Variants in SESN1 observed in about 807,000 individuals in gnomAD.
SESN1 encodes sestrin-1.
A neutral mutation model predicts 59.3 loss-of-function variants in SESN1; 30 were observed. That is an observed-to-expected ratio of 0.51 (90% CI 0.38 to 0.69). The LOEUF is 0.69. SESN1 is among the 30% of genes least tolerant of loss of function. The pLI is 0.00. For missense variants in SESN1, 566 were observed against 673.0 expected, an observed-to-expected ratio of 0.84 and a Z score of 1.76; for synonymous variants, 197 against 219.9, an observed-to-expected ratio of 0.90 and a Z score of 0.92.
At chr6:109,065,838 T>C (rs1780815949) in intron 1 of SESN1, among the ~76,000 whole-genome samples, 1 of 151,868 alleles carries the variant, frequency 6.6e-6, no homozygotes, top group African/African-American at 2.4e-5. Context: ...ATTATTACTA[T>C]ACCTTTTCTC....
At chr6:109,061,197 A>G (rs1447294402) in intron 1 of SESN1, among the ~76,000 whole-genome samples, 2 of 152,210 alleles carry the variant, frequency 1.3e-5, no homozygotes, top group Non-Finnish European at 2.9e-5. Flanking sequence ...TTAGGAAAAA[A>G]GAACAATGTA....
chr6:109,040,865 G>A (rs1780329110), intron 1 of SESN1, among the ~76,000 whole-genome samples: 2 of 151,806 alleles, frequency 1.3e-5, no homozygotes, highest in African/African-American at 4.8e-5. Context: ...TGTTAGCCAG[G>A]ATGGTCTCAA....
chr6:109,051,951 C>T (rs955362520), intron 1 of SESN1, among the ~76,000 whole-genome samples: 4 of 152,074 alleles, frequency 2.6e-5, no homozygotes, highest in Non-Finnish European at 5.9e-5. Context: ...TTTTAAAGAC[C>T]CCACCTCTTA....
chr6:109,009,630 C>A, intron 1 of SESN1: 1 of 942,672 alleles, frequency 1.1e-6, no homozygotes, highest in East Asian at 8.9e-5. Flanking sequence ...CCCTGGCGGC[C>A]ACGCAAGCCA....
chr6:109,080,635 T>G (rs754847708), intron 1 of SESN1, among the ~76,000 whole-genome samples: 19 of 152,190 alleles, frequency 1.2e-4, no homozygotes, highest in Non-Finnish European at 2.6e-4. Flanking sequence ...GGAAAACAAT[T>G]TGGGAAAGAA....
intron 1 of SESN1, among the ~76,000 whole-genome samples, chr6:109,044,746 G>A (rs1780397203): frequency 6.6e-6 from 1 of 151,876 alleles, no homozygotes; most frequent in Admixed American, 6.6e-5. Context: ...GAACTCAGCC[G>A]GGCGCAGTGG....
intron 1 of SESN1, among the ~76,000 whole-genome samples, chr6:109,034,608 A>G (rs1479803186): frequency 1.3e-5 from 2 of 152,214 alleles, no homozygotes; most frequent in Non-Finnish European, 2.9e-5. Flanking sequence ...TGAAGACCAT[A>G]TTATCCAGCT....
rs139627045 is a variant in SESN1, at chr6:109,068,524, G to A, written c.279+25271C>T. Among the ~76,000 whole-genome samples, 924 of 151,834 alleles carry A rather than the reference G, an allele frequency of 6.1e-3. 13 individuals carry two copies. The highest frequency in any genetic ancestry group is 0.021 in the African/African-American group (876 of 41,392). ...TAAAGTAAAAAGACAAAAAAGAAACGGTATATGAAAAAAGGTTAAGATGAA... is the reference window on the plus strand; with the variant it reads ...TAAAGTAAAAAGACAAAAAAGAAACAGTATATGAAAAAAGGTTAAGATGAA... On this transcript the variant is annotated intron_variant, in intron 1 of 9. Coordinates refer to ENST00000436639, the MANE Select transcript of SESN1 (RefSeq NM_014454.3).
At chr6:109,000,470 A>G (rs1187867800) in intron 4 of SESN1, 21 bp downstream of exon 4, 1 of 1,477,994 alleles carries the variant, frequency 6.8e-7, no homozygotes, top group East Asian at 2.5e-5. Flanking sequence ...GACTCCCAAG[A>G]TATATTACCC....
At chr6:109,062,237 G>T (rs1442282663) in intron 1 of SESN1, among the ~76,000 whole-genome samples, 1 of 152,202 alleles carries the variant, frequency 6.6e-6, no homozygotes, top group Non-Finnish European at 1.5e-5. Flanking sequence ...TCCGAAAAAT[G>T]AACAAGGGGA....
At chr6:109,073,737 G>A (rs1043439996) in intron 1 of SESN1, among the ~76,000 whole-genome samples, 1 of 152,148 alleles carries the variant, frequency 6.6e-6, no homozygotes, top group African/African-American at 2.4e-5. Context: ...TTAAAAGTTG[G>A]TATATACCAT....
intron 1 of SESN1, among the ~76,000 whole-genome samples, chr6:109,059,356 A>C (rs1346194176): frequency 6.6e-6 from 1 of 152,160 alleles, no homozygotes; most frequent in Non-Finnish European, 1.5e-5. Flanking sequence ...GTGTGCTTTT[A>C]ATGTTTATTC....
intron 1 of SESN1, among the ~76,000 whole-genome samples, chr6:109,029,639 G>A (rs929023826): frequency 2.0e-5 from 3 of 152,052 alleles, no homozygotes; most frequent in Non-Finnish European, 4.4e-5. Flanking sequence ...GGGCTCAAGC[G>A]ATCCTCCTGT....
chr6:108,998,825 T>C, intron 4 of SESN1, 70 bp from the exon 5 acceptor site: 1 of 1,467,298 alleles, frequency 6.8e-7, no homozygotes. Context: ...TTCATTTTAG[T>C]ATTTAATTTA....
chr6:108,987,361 CCAAA>C lies in SESN1; in HGVS notation c.*179_*182del. 2.0e-6 allele frequency: 1 copy of C among 492,578 alleles called. No homozygotes were observed. The highest frequency in any genetic ancestry group is 3.2e-5 in the East Asian group (1 of 31,400). 30.5% of individuals were successfully genotyped at this position (492,578 alleles called of 1,614,324 possible). A position where few individuals can be genotyped will look rare whatever the true frequency, so the allele number is the denominator to read the frequency against. On this transcript the variant is annotated 3_prime_UTR_variant, in exon 10 of 10. Coordinates refer to ENST00000436639, the MANE Select transcript of SESN1 (RefSeq NM_014454.3). ...CTTCACAGCTCTAAACTTGAAGCTG[CCAAA>C]CAGTCACTGCTTGTGCCAGCAGTGG... is the stretch of plus-strand genomic sequence containing the variant.
chr6:109,006,278 T>C (rs1779728975), intron 1 of SESN1, among the ~76,000 whole-genome samples: 1 of 152,212 alleles, frequency 6.6e-6, no homozygotes, highest in African/African-American at 2.4e-5. Flanking sequence ...TTAGCATAAC[T>C]GATGAAAGCC....
chr6:109,061,763 C>T (rs1050540532), intron 1 of SESN1, among the ~76,000 whole-genome samples: 6 of 151,812 alleles, frequency 4.0e-5, no homozygotes, highest in African/African-American at 1.5e-4. Context: ...GAGAGCGCAC[C>T]ACTGCACTCC....
At chr6:109,075,806 T>C (rs569430116) in intron 1 of SESN1, among the ~76,000 whole-genome samples, 109 of 152,264 alleles carry the variant, frequency 7.2e-4, no homozygotes, top group African/African-American at 2.3e-3. Flanking sequence ...AAATTTGTAA[T>C]GAGGCTATAA....
At chr6:109,046,536 G>A (rs1383563741) in intron 1 of SESN1, among the ~76,000 whole-genome samples, 6 of 146,576 alleles carry the variant, frequency 4.1e-5, no homozygotes, top group Non-Finnish European at 9.1e-5. Context: ...GTCTCTGCCT[G>A]GCCACCCATC....
Sources: allele counts gnomAD v4.1 joint callset (sites outside exome capture counted in the v4.1 genomes callset), GRCh38; gene constraint gnomAD v4.1.1; transcripts MANE v1.5; gene names NCBI Gene and HGNC (gene_info 2026-07-23, HGNC 2026-07-21).